ALDH5A1: variants seen among roughly 807,000 people sequenced by gnomAD.
ALDH5A1 encodes the protein succinate-semialdehyde dehydrogenase, mitochondrial.
A neutral mutation model predicts 54.7 loss-of-function variants in ALDH5A1; 33 were observed. That is an observed-to-expected ratio of 0.60 (90% CI 0.46 to 0.81). ALDH5A1 has a LOEUF of 0.81. ALDH5A1 is among the 30% of genes least tolerant of loss of function. ALDH5A1 has a pLI of 0.00. For missense variants in ALDH5A1, 657 were observed against 711.0 expected, an observed-to-expected ratio of 0.92 and a Z score of 0.86; for synonymous variants, 294 against 292.7, an observed-to-expected ratio of 1.00 and a Z score of -0.05.
rs1290695946 is a variant in ALDH5A1 at position 24,533,906 on chromosome 6, G to A, written c.*194G>A. ...GTAACTAGGGACCAATATGTGCCAC[G>A]TGCCTGTGGCTGCAGACTCCCAGAG... On this transcript the variant is annotated 3_prime_UTR_variant, in exon 10 of 10. Coordinates refer to ENST00000357578, the MANE Select transcript of ALDH5A1 (RefSeq NM_001080.3). The A allele has an allele frequency of 5.2e-6, 3 of 571,976 alleles. No individual in the cohort carries two copies. Among genetic ancestry groups the A allele is most frequent in the South Asian group, 2.0e-5 (1 of 48,970 alleles). 35.4% of individuals were successfully genotyped at this position (571,976 alleles called of 1,614,324 possible).
chr6:24,503,507 G>C lies in ALDH5A1; in HGVS notation c.609+74G>C, dbSNP rs546274315. ...GTTGGGAAACAATTCATTCTTCCTC[G>C]TGAGCAGGTGTGCTCATCCTGTTAG... On this transcript the variant is annotated intron_variant, in intron 3 of 9. Coordinates refer to ENST00000357578, the MANE Select transcript of ALDH5A1 (RefSeq NM_001080.3). The C allele has an allele frequency of 1.1e-5, 17 of 1,542,472 alleles. No individual in the cohort carries two copies. The African/African-American group carries it at 2.3e-4, about 21-fold the overall frequency.
intron 4 of ALDH5A1, among the ~76,000 whole-genome samples, chr6:24,512,210 C>T (rs1276236396): frequency 6.6e-6 from 1 of 152,204 alleles, no homozygotes; most frequent in Non-Finnish European, 1.5e-5. Flanking sequence ...GCCGTAGATA[C>T]CAGCACAGTA....
chr6:24,506,475 A>G (rs1759361451), intron 4 of ALDH5A1, among the ~76,000 whole-genome samples: 1 of 147,540 alleles, frequency 6.8e-6, no homozygotes, highest in African/African-American at 2.5e-5. Context: ...CTGGTCTTGA[A>G]CTCCTGACCT....
intron 8 of ALDH5A1, chr6:24,531,873 T>TGTTG: frequency 1.8e-6 from 1 of 542,452 alleles, no homozygotes; most frequent in Non-Finnish European, 3.3e-6. Context: ...GTTCCCTACA[T>TGTTG]GTTGGTCTGC....
At chr6:24,516,889 C>CTCTA (rs1438354787) in intron 5 of ALDH5A1, among the ~76,000 whole-genome samples, 1 of 152,140 alleles carries the variant, frequency 6.6e-6, no homozygotes, top group Non-Finnish European at 1.5e-5. Context: ...TGTCACTGCA[C>CTCTA]TCTAGCCTGG....
chr6:24,516,104 G>A (rs1030244413), intron 5 of ALDH5A1, among the ~76,000 whole-genome samples: 2 of 151,978 alleles, frequency 1.3e-5, no homozygotes, highest in African/African-American at 2.4e-5. Flanking sequence ...AAAACTTAAT[G>A]TGTATGCCTG....
At chr6:24,506,639 TTTTA>T (rs1181427066) in intron 4 of ALDH5A1, among the ~76,000 whole-genome samples, 19 of 152,216 alleles carry the variant, frequency 1.2e-4, no homozygotes, top group African/African-American at 4.3e-4. Flanking sequence ...TGAATATCAA[TTTTA>T]TTTGTTTTAA....
chr6:24,520,459 T>G lies in ALDH5A1; in HGVS notation c.929T>G (p.Leu310Arg), dbSNP rs372399735. Residue 310 changes from leucine (L) to arginine (R), a missense_variant, in exon 6 of 10, where the codon CTT becomes CGT. This residue lies in a region of ALDH5A1 where 425 missense variants were observed against 516.4 expected (regional missense o/e 0.82). Coordinates refer to ENST00000357578, the MANE Select transcript of ALDH5A1 (RefSeq NM_001080.3). Reference sequence around the variant, plus strand: ...AGGGTCTCTATGGAGCTGGGCGGCCTTGCTCCATTTATAGTATTTGACAGT... The same window carrying G: ...AGGGTCTCTATGGAGCTGGGCGGCCGTGCTCCATTTATAGTATTTGACAGT... Reference protein sequence around the residue: ...VKRVSMELGGLAPFIVFDSAN... With the variant: ...VKRVSMELGGRAPFIVFDSAN... 4 of 1,614,076 alleles carry G rather than the reference T, an allele frequency of 2.5e-6. No homozygotes were observed. The African/African-American group carries it at 5.3e-5, about 22-fold the overall frequency.
rs1759414464 is a variant in ALDH5A1, at chr6:24,509,115, GTTTATTTAA to G, written c.726+4131_726+4139del. On this transcript the variant is annotated intron_variant, in intron 4 of 9. Coordinates refer to ENST00000357578, the MANE Select transcript of ALDH5A1 (RefSeq NM_001080.3). This position sits in a 1 kb window ranked among gnomAD's most constrained non-coding sequence, Gnocchi z 4.7. The stretch of plus-strand genomic sequence containing the variant: ...CCTTTTGCCATGCAAAAGCTCTTTA[GTTTATTTAA>G]GTCCCAGCTATTTATCTTTGTTTTA... Among the ~76,000 whole-genome samples, 1 of 44,116 alleles carries G rather than the reference GTTTATTTAA, an allele frequency of 2.3e-5. No individual in the cohort carries two copies. The highest frequency in any genetic ancestry group is 4.8e-5 in the African/African-American group (1 of 20,848). 28.9% of individuals were successfully genotyped at this position (44,116 alleles called of 152,430 possible).
Position 24,502,536 on chromosome 6 carries a change from T to C in ALDH5A1, c.368T>C (p.Leu123Ser). The change falls in exon 2 of 10, where the codon TTA (leucine) becomes TCA (serine). Residue 123 changes from leucine to serine, a missense_variant. Physicochemically the swap from Leu to Ser is moderately radical, Grantham distance 145. Coordinates refer to ENST00000357578, the MANE Select transcript of ALDH5A1 (RefSeq NM_001080.3). Reference protein sequence around the residue: ...REVSAKERSSLLRKWYNLMIQ... With the variant: ...REVSAKERSSSLRKWYNLMIQ... The stretch of plus-strand genomic sequence containing the variant: ...TTTCTTTTGCAGGAGAGGAGTTCAT[T>C]ACTTCGGAAGTGGTACAATTTAATG... The C allele has an allele frequency of 6.2e-7, 1 of 1,612,374 alleles. No individual in the cohort carries two copies. Among genetic ancestry groups the C allele is most frequent in the Non-Finnish European group, 8.5e-7 (1 of 1,178,380 alleles).
At chr6:24,501,392 G>A (rs1458388375) in intron 1 of ALDH5A1, among the ~76,000 whole-genome samples, 1 of 152,166 alleles carries the variant, frequency 6.6e-6, no homozygotes, top group Non-Finnish European at 1.5e-5. Context: ...TCTCCACAGG[G>A]CTTGTTTTCC....
At position 24,496,143 on chromosome 6, in the gene ALDH5A1, G is replaced by A. The variant is rs9461030; in HGVS notation, c.354+793G>A. Among the ~76,000 whole-genome samples, 594 of 152,292 alleles carry A rather than the reference G, an allele frequency of 3.9e-3. 4 individuals are homozygous for A. Among genetic ancestry groups the A allele is most frequent in the African/African-American group, 0.013 (532 of 41,568 alleles). The stretch of plus-strand genomic sequence containing the variant: ...CATCCAGCGATCCCTACGAGTACAA[G>A]AGAGTCTTAGCACTCATTCATCCAT... On this transcript the variant is annotated intron_variant, in intron 1 of 9. Transcript: ENST00000357578.
intron 1 of ALDH5A1, among the ~76,000 whole-genome samples, chr6:24,496,715 T>C (rs961313914): frequency 7.2e-5 from 11 of 152,228 alleles, no homozygotes; most frequent in African/African-American, 2.2e-4. Flanking sequence ...GAATCTTCCC[T>C]GTGTGTCTCC....
At chr6:24,513,084 CT>C (rs937957541) in intron 4 of ALDH5A1, among the ~76,000 whole-genome samples, 98 of 41,388 alleles carry the variant, frequency 2.4e-3, no homozygotes, top group African/African-American at 6.9e-3. Flanking sequence ...CTATTTTTTT[CT>C]TTTTTTTCTT....
At chr6:24,511,935 T>C (rs1284477120) in intron 4 of ALDH5A1, 3 of 545,050 alleles carry the variant, frequency 5.5e-6, no homozygotes, top group Non-Finnish European at 9.9e-6. Flanking sequence ...GAGTTGGCTT[T>C]CTGGTTTCTT....
At chr6:24,521,179 A>G (rs1759677145) in intron 6 of ALDH5A1, among the ~76,000 whole-genome samples, 1 of 152,238 alleles carries the variant, frequency 6.6e-6, no homozygotes, top group South Asian at 2.1e-4. Context: ...AGTGTTTTAG[A>G]GGAGCATCCA....
chr6:24,507,839 T>C (rs1581810626), intron 4 of ALDH5A1, among the ~76,000 whole-genome samples: 1 of 152,114 alleles, frequency 6.6e-6, no homozygotes, highest in African/African-American at 2.4e-5. Context: ...GGTTACATGA[T>C]TAAGTTCTTT....
chr6:24,528,517 C>T (rs1429580416), intron 8 of ALDH5A1, among the ~76,000 whole-genome samples: 4 of 151,738 alleles, frequency 2.6e-5, no homozygotes, highest in Non-Finnish European at 4.4e-5. Flanking sequence ...CACCCACCAC[C>T]ATACCAGGCT....
intron 1 of ALDH5A1, among the ~76,000 whole-genome samples, chr6:24,497,977 C>T (rs1277320840): frequency 2.0e-5 from 3 of 151,912 alleles, no homozygotes; most frequent in Admixed American, 2.0e-4. Context: ...TGGCTTGAAC[C>T]AGGGTGGTAG....
Sources: allele counts gnomAD v4.1 joint callset (sites outside exome capture counted in the v4.1 genomes callset), GRCh38; gene constraint gnomAD v4.1.1; regional missense constraint gnomAD v4.1.1; non-coding constraint Gnocchi (gnomAD v3.1); transcripts MANE v1.5; gene names NCBI Gene and HGNC (gene_info 2026-07-23, HGNC 2026-07-21).